MED13: variants seen among roughly 807,000 people sequenced by gnomAD.
The protein encoded by MED13 is mediator complex subunit 13.
In MED13, 23 loss-of-function variants were observed where a neutral mutation model predicts 225.2. The observed-to-expected ratio is 0.10, with a 90% CI of 0.07 to 0.14. The LOEUF is 0.14. MED13 is among the 10% of genes least tolerant of loss of function. The pLI, the probability that MED13 is intolerant of heterozygous loss-of-function variation, is 1.00. For synonymous variants in MED13, 942 were observed against 889.2 expected (o/e 1.06, Z -1.06); for missense variants, 2,197 against 2,594.5 (o/e 0.85, Z 3.33).
At chr17:61,964,861 G>C in intron 20 of MED13, 145 bp downstream of exon 20, 1 of 725,872 alleles carries the variant, frequency 1.4e-6, no homozygotes, top group Non-Finnish European at 2.2e-6. Flanking sequence ...ACTTGAACTC[G>C]GGAGGCAGAG....
At chr17:62,058,284 C>A (rs1205331954) in intron 2 of MED13, among the ~76,000 whole-genome samples, 1 of 152,014 alleles carries the variant, frequency 6.6e-6, no homozygotes. Flanking sequence ...GAGGCTGAGG[C>A]GGGCAGATCA....
intron 8 of MED13, among the ~76,000 whole-genome samples, chr17:62,013,400 T>C (rs1476767792): frequency 1.3e-5 from 2 of 152,098 alleles, no homozygotes; most frequent in Non-Finnish European, 2.9e-5. Flanking sequence ...AAAAATATCA[T>C]GCATCACATT....
chr17:61,991,163 G>C (rs1453506814), intron 11 of MED13, among the ~76,000 whole-genome samples: 1 of 152,032 alleles, frequency 6.6e-6, no homozygotes, highest in Non-Finnish European at 1.5e-5. Flanking sequence ...CTGTCACCCA[G>C]GCTGCAGTGC....
intron 8 of MED13, among the ~76,000 whole-genome samples, chr17:62,020,210 G>A (rs1344104782): frequency 6.6e-6 from 1 of 151,054 alleles, no homozygotes; most frequent in Non-Finnish European, 1.5e-5. Context: ...TTAATGTATT[G>A]CTTTTTACTT....
chr17:61,952,954 A>G lies in MED13; in HGVS notation c.6117+11T>C. 1 of 1,608,936 alleles carries G rather than the reference A, an allele frequency of 6.2e-7. No homozygotes were observed. The highest frequency in any genetic ancestry group is 1.3e-5 in the African/African-American group (1 of 74,586). Reference sequence around the variant, plus strand: ...CCGGCCGAGAAAAACTAAAACTTGTAACACAGTTACCTTGCCCGCATCACC... The same window carrying G: ...CCGGCCGAGAAAAACTAAAACTTGTGACACAGTTACCTTGCCCGCATCACC... On this transcript the variant is annotated intron_variant, in intron 27 of 29. Coordinates refer to ENST00000397786, the MANE Select transcript of MED13 (RefSeq NM_005121.3).
At chr17:61,981,979 A>G (rs967568824) in intron 16 of MED13, among the ~76,000 whole-genome samples, 10 of 152,246 alleles carry the variant, frequency 6.6e-5, no homozygotes, top group African/African-American at 2.2e-4. Flanking sequence ...ATATTCCTAC[A>G]TAAGTATATA....
At chr17:62,061,271 C>A (rs977666255) in intron 2 of MED13, among the ~76,000 whole-genome samples, 11 of 151,942 alleles carry the variant, frequency 7.2e-5, no homozygotes, top group African/African-American at 2.7e-4. Context: ...GTAATCCCAG[C>A]ACTTTGGGAG....
intron 6 of MED13, 194 bp from the exon 7 acceptor site, chr17:62,030,207 T>G: frequency 4.0e-6 from 2 of 505,808 alleles, no homozygotes; most frequent in Non-Finnish European, 3.4e-6. Context: ...AGTACATCTC[T>G]GTAACCTACC....
rs1234899405 is a variant in MED13 at position 61,983,075 on chromosome 17, A to G, written c.2928T>C (p.Tyr976=). 8 of 1,613,160 alleles carry G rather than the reference A, an allele frequency of 5.0e-6. No individual in the cohort carries two copies. Among genetic ancestry groups the G allele is most frequent in the Non-Finnish European group, 6.8e-6 (8 of 1,179,626 alleles). The change falls in exon 16 of 30, where the codon TAT becomes TAC. Residue 976 remains tyrosine (Y), a synonymous_variant. Coordinates refer to ENST00000397786, the MANE Select transcript of MED13 (RefSeq NM_005121.3). ...CAAAAGAAGTATGAGTTTGAGGTGTATAAGCAGTGCCATATTCTTGATCCA... is the reference window on the plus strand; with the variant it reads ...CAAAAGAAGTATGAGTTTGAGGTGTGTAAGCAGTGCCATATTCTTGATCCA... ...SNMDQEYGTA[Y]TPQTHTSFGM...
chr17:62,049,930 C>CAAAAAAAAAAAAAAAAAAAA (rs544006035), intron 3 of MED13, among the ~76,000 whole-genome samples: 2 of 96,256 alleles, frequency 2.1e-5, no homozygotes, highest in African/African-American at 4.6e-5. Context: ...GCTCTGTCTC[C>CAAAAAAAAAAAAAAAAAAAA]AAAAAAAAAA....
In MED13 at chr17:61,984,818, G is replaced by C; in HGVS notation, c.2524C>G (p.Gln842Glu). The C allele has an allele frequency of 1.9e-6, 3 of 1,613,368 alleles. No individual in the cohort carries two copies. Among genetic ancestry groups the C allele is most frequent in the Non-Finnish European group, 2.5e-6 (3 of 1,179,534 alleles). ...KMYPTPPSLE[Q>E]HIMGFSPMNM... ...ATTGGGGAAAATCCCATAATATGTTGTTCCAATGATGGTGGTGTAGGATAC... is the reference window on the plus strand; with the variant it reads ...ATTGGGGAAAATCCCATAATATGTTCTTCCAATGATGGTGGTGTAGGATAC... Residue 842 changes from glutamine to glutamate, a missense_variant, in exon 14 of 30, where the codon CAA becomes GAA. Gln to Glu is a conservative substitution (Grantham distance 29). Around this residue, in one of 12 missense-constraint regions of MED13, gnomAD observed 160 missense variants for 184.8 expected, o/e 0.87. Transcript: ENST00000397786.
At chr17:62,035,667 G>A in intron 3 of MED13, 59 bp from the exon 4 acceptor site, 3 of 1,503,182 alleles carry the variant, frequency 2.0e-6, no homozygotes, top group Admixed American at 4.5e-5. Flanking sequence ...ATGTTAACTT[G>A]CTTTTCTTTA....
At chr17:61,977,579 G>C (rs940383491) in intron 16 of MED13, among the ~76,000 whole-genome samples, 3 of 151,978 alleles carry the variant, frequency 2.0e-5, no homozygotes, top group Admixed American at 2.0e-4. Flanking sequence ...AGCCTCCCGA[G>C]TAGCTGGGAC....
chr17:62,057,551 A>G (rs202215614), intron 2 of MED13, among the ~76,000 whole-genome samples: 11 of 132,998 alleles, frequency 8.3e-5, no homozygotes, highest in African/African-American at 1.5e-4. Flanking sequence ...GGCACACAAC[A>G]ATGTTTTAGT....
chr17:62,049,801 G>C (rs570516452), intron 3 of MED13, among the ~76,000 whole-genome samples: 3 of 151,730 alleles, frequency 2.0e-5, no homozygotes, highest in African/African-American at 7.3e-5. Flanking sequence ...GTGGTGGCGG[G>C]CACCTGTAGT....
chr17:61,957,815 C>A (rs1446212623), intron 23 of MED13, among the ~76,000 whole-genome samples: 1 of 152,210 alleles, frequency 6.6e-6, no homozygotes, highest in African/African-American at 2.4e-5. Flanking sequence ...ACATGTCCTT[C>A]ACTAGCCAAA....
intron 3 of MED13, among the ~76,000 whole-genome samples, chr17:62,038,151 T>A (rs896190510): frequency 6.6e-6 from 1 of 151,856 alleles, no homozygotes; most frequent in Admixed American, 6.6e-5. Context: ...TCTCAGCACT[T>A]GGGAGGCTGA....
At position 62,037,955 on chromosome 17, in the gene MED13, CAAAAAAAAAAAA is replaced by C. The variant is rs397857634; in HGVS notation, c.471-2359_471-2348del. ...TGGGCAACAGAGTGAGACTTCATCT[CAAAAAAAAAAAA>C]AAAAAAAAAAAAAAAAAAGACACAG... is the stretch of plus-strand genomic sequence containing the variant. On this transcript the variant is annotated intron_variant, in intron 3 of 29. Transcript: ENST00000397786. Among the ~76,000 whole-genome samples the C allele has an allele frequency of 6.9e-3, 446 of 64,766 alleles. 3 individuals are homozygous for C. The highest frequency in any genetic ancestry group is 0.018 in the African/African-American group (369 of 20,932). 42.5% of individuals were successfully genotyped at this position (64,766 alleles called of 152,430 possible).
chr17:61,973,361 A>G (rs1223062888), intron 16 of MED13, among the ~76,000 whole-genome samples: 1 of 152,204 alleles, frequency 6.6e-6, no homozygotes, highest in Non-Finnish European at 1.5e-5. Context: ...TAAAATACAG[A>G]AATTATACAG....
Sources: gnomAD v4.1 joint callset for allele counts (sites outside exome capture counted in the v4.1 genomes callset) on GRCh38, gnomAD v4.1.1 for gene constraint, gnomAD v4.1.1 regional missense constraint, MANE v1.5 for transcripts, NCBI Gene and HGNC (gene_info 2026-07-23, HGNC 2026-07-21) for gene names.